PHOSPHO2: variants seen among roughly 807,000 people sequenced by gnomAD.
PHOSPHO2 encodes phosphatase, orphan 2.
Under a neutral mutation model 16.4 loss-of-function variants are expected in PHOSPHO2, and 14 were observed. The observed-to-expected ratio is 0.85, with a 90% CI of 0.56 to 1.33. The LOEUF (loss-of-function observed/expected upper bound fraction) is 1.33, where lower values mean the gene tolerates loss of function less well. Ranked by LOEUF, PHOSPHO2 falls within the 40% of genes most tolerant of loss-of-function variation. PHOSPHO2 has a pLI of 0.00. For missense variants in PHOSPHO2, 246 were observed against 282.5 expected (o/e 0.87, Z 0.93); for synonymous variants, 85 against 90.5 (o/e 0.94, Z 0.34).
Position 169,701,147 on chromosome 2 carries a change from G to A in PHOSPHO2, c.176G>A (p.Gly59Asp). 2 of 1,614,048 alleles carry A rather than the reference G, an allele frequency of 1.2e-6. No individual in the cohort carries two copies. Among genetic ancestry groups the A allele is most frequent in the South Asian group, 1.1e-5 (1 of 91,078 alleles). Reference sequence around the variant, plus strand: ...GTCTTTAAGTATTTGGGAGATAAGGGTGTAAGAGAACATGAAATGAAAAGA... The same window carrying A: ...GTCTTTAAGTATTTGGGAGATAAGGATGTAAGAGAACATGAAATGAAAAGA... The part of the protein sequence containing the change: ...GRVFKYLGDK[G>D]VREHEMKRAV... Residue 59 changes from glycine (G) to aspartate (D), a missense_variant, in exon 4 of 4, where the codon GGT (glycine) becomes GAT (aspartate). By Grantham distance (94) the Gly-to-Asp change is moderately conservative. Transcript: ENST00000359744.
Position 169,694,753 on chromosome 2 carries a change from C to T in PHOSPHO2, c.-231+131C>T, listed in dbSNP as rs576359240. The T allele has an allele frequency of 5.5e-4, 158 of 288,662 alleles. 1 individual carries two copies. Among genetic ancestry groups the T allele is most frequent in the African/African-American group, 3.3e-3 (152 of 46,234 alleles). 17.9% of individuals were successfully genotyped at this position (288,662 alleles called of 1,614,324 possible). ...GGTGGAGCCGGCAGGTGTGTGAGCG[C>T]GCGAGGCCTAGGCGTGGTGTGTGCG... On this transcript the variant is annotated intron_variant, in intron 1 of 3. Coordinates refer to ENST00000359744, the MANE Select transcript of PHOSPHO2 (RefSeq NM_001008489.4).
At chr2:169,697,921 C>CATTT (rs1330750122) in intron 3 of PHOSPHO2, 1 of 152,164 alleles carries the variant, frequency 6.6e-6, no homozygotes, top group Non-Finnish European at 1.5e-5. Context: ...CTGGATTAGG[C>CATTT]ATTTAGTGAT....
intron 2 of PHOSPHO2, 146 bp from the exon 3 acceptor site, chr2:169,697,215 C>T (rs897609098): frequency 6.6e-6 from 1 of 152,188 alleles, no homozygotes; most frequent in African/African-American, 2.4e-5. Context: ...TGGGGTTTCA[C>T]TGTGTTAGCC....
Position 169,694,593 on chromosome 2 carries a change from C to T in PHOSPHO2, c.-260C>T, listed in dbSNP as rs1687435709. The T allele has an allele frequency of 5.4e-6, 3 of 559,084 alleles. No individual in the cohort carries two copies. In the South Asian group the frequency reaches 6.1e-5, roughly 11 times the overall value. The allele number at this position is 559,084 out of a possible 1,614,324, so 34.6% of individuals were successfully genotyped here. ...ACTGAACCCGCAGGAGCGTCACGGG[C>T]GCCGGGGCGGCTGCCGACGGCGGGA... On this transcript the variant is annotated 5_prime_UTR_variant, in exon 1 of 4. Coordinates refer to ENST00000359744, the MANE Select transcript of PHOSPHO2 (RefSeq NM_001008489.4).
intron 3 of PHOSPHO2, among the ~76,000 whole-genome samples, chr2:169,698,636 A>G (rs970656900): frequency 2.0e-5 from 3 of 152,126 alleles, no homozygotes; most frequent in African/African-American, 7.2e-5. Context: ...TGGATATTCT[A>G]TATAGTTATT....
intron 3 of PHOSPHO2, chr2:169,697,754 T>C (rs1687599724): frequency 1.3e-5 from 2 of 152,260 alleles, no homozygotes; most frequent in African/African-American, 4.8e-5. Flanking sequence ...AAATTTGTTT[T>C]AATTATAAAT....
At position 169,694,500 on chromosome 2, in the gene PHOSPHO2, G is replaced by A. The variant is rs942665567; in HGVS notation, c.-353G>A. The A allele has an allele frequency of 6.4e-5, 43 of 671,886 alleles. 1 individual carries two copies. The Middle Eastern group carries it at 1.2e-3, about 18-fold the overall frequency. The allele number at this position is 671,886 out of a possible 1,614,324, so 41.6% of individuals were successfully genotyped here. On this transcript the variant is annotated 5_prime_UTR_variant, in exon 1 of 4. Transcript: ENST00000359744. ...GGCGGTCGGGCTAGAGAAGAGAGGC[G>A]CCTGCGCTTGCGAGCTGGGCTTGTG... is the stretch of plus-strand genomic sequence containing the variant.
chr2:169,694,717 C>T lies in PHOSPHO2; in HGVS notation c.-231+95C>T, dbSNP rs957012148. On this transcript the variant is annotated intron_variant, in intron 1 of 3. Transcript: ENST00000359744. Reference sequence around the variant, plus strand: ...GGACGACCCCCGATTGGGTCCGATGCCTACCCTCGGGGTGGAGCCGGCAGG... The same window carrying T: ...GGACGACCCCCGATTGGGTCCGATGTCTACCCTCGGGGTGGAGCCGGCAGG... 2.6e-4 allele frequency: 85 copies of T among 331,670 alleles called. 3 individuals carry two copies. In the Admixed American group the frequency reaches 3.3e-3, roughly 13 times the overall value. The allele number at this position is 331,670 out of a possible 1,614,324, so 20.5% of individuals were successfully genotyped here. A position where few individuals can be genotyped will look rare whatever the true frequency, so the allele number is the denominator to read the frequency against.
chr2:169,694,526 A>AGCCCAGCTCAC lies in PHOSPHO2; in HGVS notation c.-326_-325insCCCAGCTCACG, dbSNP rs1687430619. The AGCCCAGCTCAC allele has an allele frequency of 1.1e-5, 7 of 637,778 alleles. No individual in the cohort carries two copies. The highest frequency in any genetic ancestry group is 2.0e-5 in the Non-Finnish European group (7 of 355,714). 39.5% of individuals were successfully genotyped at this position (637,778 alleles called of 1,614,324 possible). On this transcript the variant is annotated 5_prime_UTR_variant, in exon 1 of 4. Transcript: ENST00000359744. ...CCTGCGCTTGCGAGCTGGGCTTGTGAGTGGGGCTGCCGAGAGGGCAGGCGT... is the reference window on the plus strand; with the variant it reads ...CCTGCGCTTGCGAGCTGGGCTTGTGAGCCCAGCTCACGTGGGGCTGCCGAGAGGGCAGGCGT...
rs771318717 is a variant in PHOSPHO2, at chr2:169,701,160, T to G, written c.189T>G (p.His63Gln). ...TGGGAGATAAGGGTGTAAGAGAACATGAAATGAAAAGAGCAGTGACATCAT... is the reference window on the plus strand; with the variant it reads ...TGGGAGATAAGGGTGTAAGAGAACAGGAAATGAAAAGAGCAGTGACATCAT... ...KYLGDKGVRE[H>Q]EMKRAVTSLP... is the part of the protein sequence containing the mutation. Residue 63 changes from histidine to glutamine, a missense_variant, in exon 4 of 4, where the codon CAT becomes CAG. Coordinates refer to ENST00000359744, the MANE Select transcript of PHOSPHO2 (RefSeq NM_001008489.4). The G allele has an allele frequency of 1.9e-6, 3 of 1,613,908 alleles. No homozygotes were observed. In the African/African-American group the frequency reaches 4.0e-5, roughly 22 times the overall value.
intron 3 of PHOSPHO2, chr2:169,697,758 T>C (rs1482083055): frequency 6.6e-6 from 1 of 152,238 alleles, no homozygotes; most frequent in Non-Finnish European, 1.5e-5. Context: ...TTGTTTTAAT[T>C]ATAAATTCAG....
At chr2:169,694,681 C>G in intron 1 of PHOSPHO2, 59 bp downstream of exon 1, 1 of 405,922 alleles carries the variant, frequency 2.5e-6, no homozygotes, top group Non-Finnish European at 4.7e-6. Context: ...CACCTGCGCG[C>G]TCCCCATGGG....
Position 169,701,320 on chromosome 2 carries a change from A to G in PHOSPHO2, c.349A>G (p.Ile117Val), listed in dbSNP as rs202020887. 1.4e-5 allele frequency: 23 copies of G among 1,612,758 alleles called. No homozygotes were observed. The East Asian group carries it at 4.9e-4, about 34-fold the overall frequency. Reference sequence around the variant, plus strand: ...TTTAGAAGCTGCCAGTTTTCATGACATATTTGATAAAGTGTTTACAAATCC... The same window carrying G: ...TTTAGAAGCTGCCAGTTTTCATGACGTATTTGATAAAGTGTTTACAAATCC... ...WVLEAASFHD[I>V]FDKVFTNPAA... The change falls in exon 4 of 4, where the codon ATA (isoleucine) becomes GTA (valine). Residue 117 changes from isoleucine (I) to valine (V), a missense_variant. Transcript: ENST00000359744.
At chr2:169,696,608 A>G (rs1161927052) in intron 2 of PHOSPHO2, among the ~76,000 whole-genome samples, 1 of 152,242 alleles carries the variant, frequency 6.6e-6, no homozygotes, top group African/African-American at 2.4e-5. Flanking sequence ...CTATGGAAAC[A>G]TTGCAGACAT....
At chr2:169,695,825 T>C (rs1177176086) in intron 2 of PHOSPHO2, among the ~76,000 whole-genome samples, 1 of 152,108 alleles carries the variant, frequency 6.6e-6, no homozygotes, top group African/African-American at 2.4e-5. Context: ...CACAGGATAA[T>C]GCAAAGTGGG....
In PHOSPHO2 at chr2:169,694,533, C is replaced by A; in HGVS notation, c.-320C>A. Reference sequence around the variant, plus strand: ...TTGCGAGCTGGGCTTGTGAGTGGGGCTGCCGAGAGGGCAGGCGTGGGGCGA... The same window carrying A: ...TTGCGAGCTGGGCTTGTGAGTGGGGATGCCGAGAGGGCAGGCGTGGGGCGA... On this transcript the variant is annotated 5_prime_UTR_variant, in exon 1 of 4. The change creates a new upstream start codon in the 5' untranslated region. Transcript: ENST00000359744. 1 of 628,764 alleles carries A rather than the reference C, an allele frequency of 1.6e-6. No homozygotes were observed. Among genetic ancestry groups the A allele is most frequent in the Non-Finnish European group, 2.8e-6 (1 of 351,618 alleles). The allele number at this position is 628,764 out of a possible 1,614,324, so 38.9% of individuals were successfully genotyped here. A position where few individuals can be genotyped will look rare whatever the true frequency, so the allele number is the denominator to read the frequency against.
At chr2:169,700,350 CT>C (rs1260631710) in intron 3 of PHOSPHO2, among the ~76,000 whole-genome samples, 1 of 151,616 alleles carries the variant, frequency 6.6e-6, no homozygotes, top group Non-Finnish European at 1.5e-5. Context: ...TTTAATCCAC[CT>C]TGAGTTGATT....
At chr2:169,699,355 A>G (rs1687665626) in intron 3 of PHOSPHO2, among the ~76,000 whole-genome samples, 1 of 152,156 alleles carries the variant, frequency 6.6e-6, no homozygotes, top group Non-Finnish European at 1.5e-5. Context: ...ACATCATCTC[A>G]TTCCTTTTTA....
rs574413364 is a variant in PHOSPHO2, at chr2:169,699,962, G to T, written c.-26-984G>T. ...AAAAAGGATTTTGGACAGATTTTAT[G>T]GGCAGAGTCTTTAACTATTTGGGAG... On this transcript the variant is annotated intron_variant, in intron 3 of 3. Transcript: ENST00000359744. Among the ~76,000 whole-genome samples the T allele has an allele frequency of 5.9e-5, 9 of 152,072 alleles. No individual in the cohort carries two copies. In the South Asian group the frequency reaches 1.7e-3, roughly 28 times the overall value.
Sources: gnomAD v4.1 joint callset for allele counts (sites outside exome capture counted in the v4.1 genomes callset) on GRCh38, gnomAD v4.1.1 for gene constraint, MANE v1.5 for transcripts, NCBI Gene and HGNC (gene_info 2026-07-23, HGNC 2026-07-21) for gene names.